FXN: variants seen among roughly 807,000 people sequenced by gnomAD.
FXN encodes the protein frataxin.
In FXN, 14 loss-of-function variants were observed where a neutral mutation model predicts 22.4. That is an observed-to-expected ratio of 0.62 (90% CI 0.41 to 0.98). The LOEUF (loss-of-function observed/expected upper bound fraction) is 0.98. Among genes scored for constraint, FXN ranks in the 50% least tolerant of loss-of-function variants. The pLI is 0.00. For missense variants in FXN, 267 were observed against 268.4 expected (o/e 0.99, Z 0.04); for synonymous variants, 120 against 114.1 (o/e 1.05, Z -0.33).
chr9:69,078,429 T>C lies in FXN; in HGVS notation c.*5667T>C, dbSNP rs1832409596. On this transcript the variant is annotated 3_prime_UTR_variant, in exon 5 of 5. Coordinates refer to ENST00000484259, the MANE Select transcript of FXN (RefSeq NM_000144.5). ...CACCTGCATTTTTGCAGGAGCTTTC[T>C]TATATCCACCTTCCTCCTTTTCTCT... 2 of 985,318 alleles carry C rather than the reference T, an allele frequency of 2.0e-6. No homozygotes were observed. Among genetic ancestry groups the C allele is most frequent in the African/African-American group, 3.5e-5 (2 of 57,222 alleles). 61.0% of individuals were successfully genotyped at this position (985,318 alleles called of 1,614,324 possible).
chr9:69,060,370 CAAAA>C (rs773672471), intron 3 of FXN, among the ~76,000 whole-genome samples: 2 of 121,016 alleles, frequency 1.7e-5, no homozygotes, highest in South Asian at 5.5e-4. Context: ...GACTCCATCT[CAAAA>C]AAAAAAAAAA....
intron 3 of FXN, among the ~76,000 whole-genome samples, chr9:69,059,578 G>A (rs564544706): frequency 6.5e-5 from 9 of 139,214 alleles, no homozygotes; most frequent in Non-Finnish European, 1.2e-4. Context: ...TTTTTTTTTT[G>A]TATTTTTAGT....
chr9:69,053,120 GT>G lies in FXN; in HGVS notation c.264-16del. ...GAAGCATTTGGTAATCATGTTTTGG[GT>G]TTTGTGCTTCCTCTGCAGCTCTCTA... On this transcript the variant is annotated intron_variant, in intron 2 of 4. Transcript: ENST00000484259. 1.2e-6 allele frequency: 2 copies of G among 1,613,036 alleles called. No homozygotes were observed. Among genetic ancestry groups the G allele is most frequent in the Non-Finnish European group, 1.7e-6 (2 of 1,179,670 alleles).
At chr9:69,054,202 G>C (rs1239163881) in intron 3 of FXN, among the ~76,000 whole-genome samples, 1 of 152,114 alleles carries the variant, frequency 6.6e-6, no homozygotes, top group Non-Finnish European at 1.5e-5. Flanking sequence ...GTTTCACCAT[G>C]TTGGTTAGGC....
intron 2 of FXN, among the ~76,000 whole-genome samples, chr9:69,051,077 G>A (rs1186180130): frequency 6.6e-6 from 1 of 152,134 alleles, no homozygotes; most frequent in Non-Finnish European, 1.5e-5. Flanking sequence ...ACCGCGCCAG[G>A]CCGGCCAACT....
intron 1 of FXN, among the ~76,000 whole-genome samples, chr9:69,037,224 G>A (rs1831567189): frequency 1.6e-5 from 2 of 128,012 alleles, no homozygotes; most frequent in Admixed American, 1.7e-4. Flanking sequence ...CGGAGTTCAA[G>A]ACTAACCTGG....
rs901828006 is a variant in FXN, at chr9:69,049,171, C to T, written c.263+2689C>T. Among the ~76,000 whole-genome samples, 6 of 152,130 alleles carry T rather than the reference C, an allele frequency of 3.9e-5. No individual in the cohort carries two copies. The South Asian group carries it at 1.0e-3, about 26-fold the overall frequency. ...CGCTTCTGCCAGGGCCCAACTCTGC[C>T]GGCAGGTAGCACCTTCCAACCTCTT... On this transcript the variant is annotated intron_variant, in intron 2 of 4. Coordinates refer to ENST00000484259, the MANE Select transcript of FXN (RefSeq NM_000144.5).
In FXN at chr9:69,077,765, A is replaced by T. The variant is rs34267525; in HGVS notation, c.*5003A>T. 21,115 of 662,268 alleles carry T rather than the reference A, an allele frequency of 0.032. 419 individuals are homozygous for T. The highest frequency in any genetic ancestry group is 0.037 in the Non-Finnish European group (19,588 of 534,936). The allele number at this position is 662,268 out of a possible 1,614,324, so 41.0% of individuals were successfully genotyped here. ...GTCAACATGGTAAAACCCCGCCTCT[A>T]CTAAAAATACAAAAATTAGCTGGCC... On this transcript the variant is annotated 3_prime_UTR_variant, in exon 5 of 5. Coordinates refer to ENST00000484259, the MANE Select transcript of FXN (RefSeq NM_000144.5).
At position 69,073,034 on chromosome 9, in the gene FXN, C is replaced by A; in HGVS notation, c.*272C>A. ...CCCTTATCTTTTATAATGTCTTATGCCTATACCTGAATATAACAACCTTTA... is the reference window on the plus strand; with the variant it reads ...CCCTTATCTTTTATAATGTCTTATGACTATACCTGAATATAACAACCTTTA... On this transcript the variant is annotated 3_prime_UTR_variant, in exon 5 of 5. Transcript: ENST00000484259. 7.5e-7 allele frequency: 1 copy of A among 1,335,316 alleles called. No homozygotes were observed. Among genetic ancestry groups the A allele is most frequent in the East Asian group, 3.0e-5 (1 of 33,058 alleles). The allele number at this position is 1,335,316 out of a possible 1,614,324, so 82.7% of individuals were successfully genotyped here.
chr9:69,073,423 A>C lies in FXN; in HGVS notation c.*661A>C. 1 of 985,362 alleles carries C rather than the reference A, an allele frequency of 1.0e-6. No homozygotes were observed. Among genetic ancestry groups the C allele is most frequent in the Non-Finnish European group, 1.2e-6 (1 of 829,926 alleles). The allele number at this position is 985,362 out of a possible 1,614,324, so 61.0% of individuals were successfully genotyped here. On this transcript the variant is annotated 3_prime_UTR_variant, in exon 5 of 5. Coordinates refer to ENST00000484259, the MANE Select transcript of FXN (RefSeq NM_000144.5). The stretch of plus-strand genomic sequence containing the variant: ...GTCTGTGTGTATATATATTTTTTCA[A>C]TTTAAAGGTTAGTATGGAATCAGCT...
At position 69,035,776 on chromosome 9, in the gene FXN, G is replaced by C. The variant is rs145006100; in HGVS notation, c.-7G>C. The C allele has an allele frequency of 2.0e-6, 3 of 1,503,116 alleles. No homozygotes were observed. Among genetic ancestry groups the C allele is most frequent in the South Asian group, 1.2e-5 (1 of 80,500 alleles). The allele number at this position is 1,503,116 out of a possible 1,614,324, so 93.1% of individuals were successfully genotyped here. ...GAGGGCGGAGCGGGCGGCAGACCCG[G>C]AGCAGCATGTGGACTCTCGGGCGCC... is the stretch of plus-strand genomic sequence containing the variant. On this transcript the variant is annotated 5_prime_UTR_variant, in exon 1 of 5. Coordinates refer to ENST00000484259, the MANE Select transcript of FXN (RefSeq NM_000144.5).
At chr9:69,054,999 G>C (rs769403578) in intron 3 of FXN, among the ~76,000 whole-genome samples, 1 of 152,226 alleles carries the variant, frequency 6.6e-6, no homozygotes, top group Non-Finnish European at 1.5e-5. Context: ...AGGCAACCAA[G>C]TCTTAGAGAA....
At chr9:69,057,409 G>C (rs1439728443) in intron 3 of FXN, among the ~76,000 whole-genome samples, 3 of 152,128 alleles carry the variant, frequency 2.0e-5, no homozygotes, top group Admixed American at 2.0e-4. Context: ...AGGCTTTCCA[G>C]ATTCTGTAAC....
rs747833464 is a variant in FXN at position 69,072,658 on chromosome 9, C to T, written c.529C>T (p.His177Tyr). Reference sequence around the variant, plus strand: ...GACTGGGAAAAACTGGGTGTACTCCCACGACGGCGTGTCCCTCCATGAGCT... The same window carrying T: ...GACTGGGAAAAACTGGGTGTACTCCTACGACGGCGTGTCCCTCCATGAGCT... ...DWTGKNWVYS[H>Y]DGVSLHELLA... Residue 177 changes from histidine (H) to tyrosine (Y), a missense_variant, in exon 5 of 5, where the codon CAC becomes TAC. By Grantham distance (83) the His-to-Tyr change is moderately conservative. Coordinates refer to ENST00000484259, the MANE Select transcript of FXN (RefSeq NM_000144.5). The T allele has an allele frequency of 1.2e-6, 2 of 1,614,160 alleles. No homozygotes were observed. The highest frequency in any genetic ancestry group is 1.7e-6 in the Non-Finnish European group (2 of 1,180,030).
chr9:69,043,281 C>G (rs190812576), intron 1 of FXN, among the ~76,000 whole-genome samples: 13 of 152,258 alleles, frequency 8.5e-5, no homozygotes, highest in African/African-American at 3.1e-4. Flanking sequence ...GGTTATTTCT[C>G]TGTTAAAATT....
intron 3 of FXN, among the ~76,000 whole-genome samples, chr9:69,062,505 C>T (rs774009421): frequency 2.6e-5 from 4 of 151,980 alleles, no homozygotes; most frequent in African/African-American, 9.7e-5. Flanking sequence ...AACAAACTTA[C>T]GTATTGTATA....
Position 69,039,836 on chromosome 9 carries a change from C to T in FXN, c.165+3889C>T, listed in dbSNP as rs573670430. Among the ~76,000 whole-genome samples the T allele has an allele frequency of 2.0e-5, 3 of 152,290 alleles. No individual in the cohort carries two copies. The East Asian group carries it at 5.8e-4, about 29-fold the overall frequency. On this transcript the variant is annotated intron_variant, in intron 1 of 4. Transcript: ENST00000484259. ...GGTAAAAAATTTTCTTCTTACTGCTCTGGAGGCTGAGAAGTCCAAAGTCAA... is the reference window on the plus strand; with the variant it reads ...GGTAAAAAATTTTCTTCTTACTGCTTTGGAGGCTGAGAAGTCCAAAGTCAA...
chr9:69,059,299 C>G (rs1832021330), intron 3 of FXN, among the ~76,000 whole-genome samples: 1 of 150,968 alleles, frequency 6.6e-6, no homozygotes, highest in Non-Finnish European at 1.5e-5. Context: ...TTAACATACT[C>G]AGGAGTACCA....
At position 69,074,599 on chromosome 9, in the gene FXN, A is replaced by G; in HGVS notation, c.*1837A>G. On this transcript the variant is annotated 3_prime_UTR_variant, in exon 5 of 5. Transcript: ENST00000484259. Reference sequence around the variant, plus strand: ...AAGGCTTTTCCAATGGGTGAATAAAAACACATTCCATTAAGTCAAGCTGGG... The same window carrying G: ...AAGGCTTTTCCAATGGGTGAATAAAGACACATTCCATTAAGTCAAGCTGGG... The G allele has an allele frequency of 1.0e-6, 1 of 985,268 alleles. No individual in the cohort carries two copies. The highest frequency in any genetic ancestry group is 1.2e-6 in the Non-Finnish European group (1 of 829,844). 61.0% of individuals were successfully genotyped at this position (985,268 alleles called of 1,614,324 possible).
Sources: gnomAD v4.1 joint callset for allele counts (sites outside exome capture counted in the v4.1 genomes callset) on GRCh38, gnomAD v4.1.1 for gene constraint, MANE v1.5 for transcripts, NCBI Gene and HGNC (gene_info 2026-07-23, HGNC 2026-07-21) for gene names.